The following SFI1 variants were observed in gnomAD, a reference collection of about 807,000 sequenced individuals.
SFI1 encodes the protein protein SFI1 homolog.
In SFI1, 195 loss-of-function variants were observed where a neutral mutation model predicts 207.5. The ratio of observed to expected loss-of-function variants is 0.94; its 90% confidence interval spans 0.84 to 1.06. SFI1 has a LOEUF of 1.06. Ranked by LOEUF, SFI1 falls within the 50% of genes least tolerant of loss-of-function variation. The pLI, the probability that SFI1 is intolerant of heterozygous loss-of-function variation, is 0.00. For missense variants in SFI1, 1,634 were observed against 1,588.0 expected (o/e 1.03, Z -0.49); for synonymous variants, 630 against 598.9 (o/e 1.05, Z -0.76).
chr22:31,614,132 C>T (rs763777440), intron 27 of SFI1: 28 of 464,518 alleles, frequency 6.0e-5, no homozygotes, highest in East Asian at 9.8e-5. Context: ...CCCTCTCTCC[C>T]GTCCTGCTGA....
intron 8 of SFI1, among the ~76,000 whole-genome samples, chr22:31,567,252 G>A (rs1010073889): frequency 6.6e-6 from 1 of 152,124 alleles, no homozygotes; most frequent in Non-Finnish European, 1.5e-5. Flanking sequence ...CAGCTTATTA[G>A]GTTAGAAAAA....
intron 8 of SFI1, among the ~76,000 whole-genome samples, chr22:31,570,370 GTGCCATTTAC>G (rs1269643476): frequency 6.6e-6 from 1 of 152,206 alleles, no homozygotes; most frequent in Non-Finnish European, 1.5e-5. Flanking sequence ...GAACAATGGA[GTGCCATTTAC>G]TGAAATAGGA....
chr22:31,546,570 T>C (rs999561916), intron 4 of SFI1, among the ~76,000 whole-genome samples: 1 of 151,952 alleles, frequency 6.6e-6, no homozygotes, highest in African/African-American at 2.4e-5. Flanking sequence ...TCCACCCGCC[T>C]TGGCCTCCCA....
intron 8 of SFI1, among the ~76,000 whole-genome samples, chr22:31,568,181 GTGTGTGTGTGTGT>G (rs1276102610): frequency 1.3e-4 from 16 of 119,760 alleles, no homozygotes; most frequent in African/African-American, 2.6e-4. Flanking sequence ...GTGTGTGTGT[GTGTGTGTGTGTGT>G]TGTGTGTGTG....
At chr22:31,522,104 G>T (rs2147109966) in intron 2 of SFI1, among the ~76,000 whole-genome samples, 1 of 106,874 alleles carries the variant, frequency 9.4e-6, no homozygotes, top group African/African-American at 3.7e-5. Flanking sequence ...CTTTTGCTCT[G>T]TCGCCCAGGC....
rs368133566 is a variant in SFI1, at chr22:31,549,348, T to G, written c.450-906T>G. Among the ~76,000 whole-genome samples the G allele has an allele frequency of 6.4e-3, 965 of 149,702 alleles. 18 individuals carry two copies. Among genetic ancestry groups the G allele is most frequent in the African/African-American group, 0.022 (881 of 40,330 alleles). The stretch of plus-strand genomic sequence containing the variant: ...TTGTCATTCCAAACATCATGGATTT[T>G]TTTTTTTTTAATTGAATTTGAGACA... On this transcript the variant is annotated intron_variant, in intron 5 of 32. Coordinates refer to ENST00000400288, the MANE Select transcript of SFI1 (RefSeq NM_001007467.3).
chr22:31,613,597 T>C lies in SFI1; in HGVS notation c.2743-5T>C. 1 of 1,579,556 alleles carries C rather than the reference T, an allele frequency of 6.3e-7. No homozygotes were observed. Among genetic ancestry groups the C allele is most frequent in the Non-Finnish European group, 8.6e-7 (1 of 1,160,428 alleles). ...GGCATGAGCTGACCAGAGGCTGTGT[T>C]GTAGGCGGCTCACAGTCTCCATCGT... On this transcript the variant is annotated splice_region_variant and splice_polypyrimidine_tract_variant and intron_variant, in intron 26 of 32. Transcript: ENST00000400288.
chr22:31,559,602 C>A, intron 7 of SFI1: 1 of 672,920 alleles, frequency 1.5e-6, no homozygotes. Context: ...GTTGACAGTA[C>A]ACTCATAGTG....
At chr22:31,551,801 A>G (rs1310537578) in intron 6 of SFI1, among the ~76,000 whole-genome samples, 1 of 152,208 alleles carries the variant, frequency 6.6e-6, no homozygotes, top group Non-Finnish European at 1.5e-5. Flanking sequence ...TCCCACCAGT[A>G]ATTCACGAGA....
At chr22:31,533,181 A>G (rs2058681899) in intron 4 of SFI1, among the ~76,000 whole-genome samples, 3 of 152,162 alleles carry the variant, frequency 2.0e-5, no homozygotes, top group Non-Finnish European at 2.9e-5. Flanking sequence ...TGAAGTGACC[A>G]TTGCCATGGT....
intron 3 of SFI1, 141 bp downstream of exon 3, chr22:31,529,004 A>T: frequency 1.3e-6 from 1 of 777,518 alleles, no homozygotes; most frequent in Non-Finnish European, 2.0e-6. Context: ...GAATGTTCAG[A>T]TGAAAAGGAT....
In SFI1 at chr22:31,615,128, C is replaced by A. The variant is rs2071180605; in HGVS notation, c.3149C>A (p.Ala1050Asp). 2 of 1,608,892 alleles carry A rather than the reference C, an allele frequency of 1.2e-6. No individual in the cohort carries two copies. Among genetic ancestry groups the A allele is most frequent in the African/African-American group, 1.3e-5 (1 of 74,770 alleles). ...PSLTRPFLAE[A>D]PTALVPHSPL... ...CTGACGCGGCCCTTCCTGGCAGAGGCCCCGACAGCACTGGTCCCACACAGC... is the reference window on the plus strand; with the variant it reads ...CTGACGCGGCCCTTCCTGGCAGAGGACCCGACAGCACTGGTCCCACACAGC... Residue 1050 changes from alanine (A) to aspartate (D), a missense_variant, in exon 29 of 33, where the codon GCC becomes GAC. Physicochemically the swap from Ala to Asp is moderately radical, Grantham distance 126. Transcript: ENST00000400288.
chr22:31,611,301 A>C lies in SFI1; in HGVS notation c.2413A>C (p.Arg805=), dbSNP rs1408028105. Residue 805 remains arginine (R), a splice_region_variant and synonymous_variant, in exon 23 of 33, where the codon AGG becomes CGG. Transcript: ENST00000400288. ...KTHHLQCVRK[R]LLHRQSTQLL... ...GCACCATCTGCAGTGTGTCAGGAAG[A>C]GGGTGAGGCTGACGGTGGCAACTCT... is the stretch of plus-strand genomic sequence containing the variant. The C allele has an allele frequency of 1.3e-6, 2 of 1,593,404 alleles. No individual in the cohort carries two copies. The highest frequency in any genetic ancestry group is 8.6e-7 in the Non-Finnish European group (1 of 1,166,892).
chr22:31,596,940 C>CT (rs1371321904), intron 15 of SFI1, among the ~76,000 whole-genome samples: 2 of 146,630 alleles, frequency 1.4e-5, no homozygotes, highest in Non-Finnish European at 3.0e-5. Context: ...TTCTAAATGG[C>CT]TTCAGTACTG....
At chr22:31,503,971 C>G (rs2054237685) in intron 1 of SFI1, among the ~76,000 whole-genome samples, 4 of 152,096 alleles carry the variant, frequency 2.6e-5, no homozygotes. Flanking sequence ...TTATTGAAAG[C>G]AAACCTGTGT....
intron 15 of SFI1, among the ~76,000 whole-genome samples, chr22:31,591,803 G>A (rs1380904940): frequency 1.4e-4 from 11 of 76,966 alleles, no homozygotes; most frequent in Non-Finnish European, 2.5e-4. Flanking sequence ...CCTCCCGGAC[G>A]GGGCGGCTGG....
chr22:31,509,622 A>G (rs953114539), intron 2 of SFI1, among the ~76,000 whole-genome samples: 2 of 152,156 alleles, frequency 1.3e-5, no homozygotes, highest in Admixed American at 1.3e-4. Context: ...ACTGACTCAA[A>G]TGTTAATATC....
chr22:31,517,791 C>T (rs572444931), intron 2 of SFI1, among the ~76,000 whole-genome samples: 82 of 152,206 alleles, frequency 5.4e-4, no homozygotes, highest in African/African-American at 1.9e-3. Context: ...CTTGTTCCTT[C>T]GGTCAATTTG....
Position 31,604,951 on chromosome 22 carries a change from TC to T in SFI1, c.2054+7del, listed in dbSNP as rs760370216. 1.9e-6 allele frequency: 3 copies of T among 1,594,270 alleles called. No homozygotes were observed. The highest frequency in any genetic ancestry group is 1.7e-6 in the Non-Finnish European group (2 of 1,170,682). On this transcript the variant is annotated splice_region_variant and intron_variant, in intron 20 of 32. Transcript: ENST00000400288. ...CACAACAGGCAGCTGCTGCGGTGAG[TC>T]TCCCGGGCGCCTCCCAAGCTCCAGC...
Sources: gnomAD v4.1 joint callset for allele counts (sites outside exome capture counted in the v4.1 genomes callset) on GRCh38, gnomAD v4.1.1 for gene constraint, MANE v1.5 for transcripts, NCBI Gene and HGNC (gene_info 2026-07-23, HGNC 2026-07-21) for gene names.